UAP1L1: variants seen among roughly 807,000 people sequenced by gnomAD.
The protein encoded by UAP1L1 is UDP-N-acetylhexosamine pyrophosphorylase-like protein 1.
A neutral mutation model predicts 45.3 loss-of-function variants in UAP1L1; 45 were observed. That is an observed-to-expected ratio of 0.99 (90% CI 0.78 to 1.27). The LOEUF is 1.27. Ranked by LOEUF, UAP1L1 falls within the 50% of genes most tolerant of loss-of-function variation. The probability of loss-of-function intolerance (pLI) is 0.00; values close to 1 mark genes in which losing one functional copy is unlikely to be tolerated. For missense variants in UAP1L1, 667 were observed against 694.0 expected (o/e 0.96, Z 0.44); for synonymous variants, 323 against 303.9 (o/e 1.06, Z -0.65).
intron 7 of UAP1L1, 73 bp from the exon 8 acceptor site, chr9:137,081,925 C>T (rs551454883): frequency 3.4e-5 from 47 of 1,390,556 alleles, no homozygotes; most frequent in African/African-American, 2.1e-4. Context: ...AGTCTCCTAT[C>T]GGGACTGGGG....
intron 6 of UAP1L1, 107 bp downstream of exon 6, chr9:137,080,249 C>T: frequency 6.9e-7 from 1 of 1,451,806 alleles, no homozygotes; most frequent in South Asian, 1.3e-5. Flanking sequence ...GAGCCAAGGG[C>T]CCCGCGGGCA....
At chr9:137,081,273 C>G (rs1206446298) in intron 7 of UAP1L1, among the ~76,000 whole-genome samples, 1 of 151,498 alleles carries the variant, frequency 6.6e-6, no homozygotes, top group Non-Finnish European at 1.5e-5. Flanking sequence ...GATCTCGGCT[C>G]GCTGCAAGCT....
rs1364231294 is a variant in UAP1L1 at position 137,083,867 on chromosome 9, C to G, written c.*1138C>G. ...GAAACCCACAGTCCCCAGTGGAGGG[C>G]CACTACTCATCCCCATTGGTTTCCC... On this transcript the variant is annotated 3_prime_UTR_variant, in exon 9 of 9. Coordinates refer to ENST00000409858, the MANE Select transcript of UAP1L1 (RefSeq NM_207309.3). 1 of 152,330 alleles carries G rather than the reference C, an allele frequency of 6.6e-6. No individual in the cohort carries two copies. Among genetic ancestry groups the G allele is most frequent in the Non-Finnish European group, 1.5e-5 (1 of 68,098 alleles). The allele number at this position is 152,330 out of a possible 1,614,324, so 9.4% of individuals were successfully genotyped here. A position where few individuals can be genotyped will look rare whatever the true frequency, so the allele number is the denominator to read the frequency against.
Position 137,082,568 on chromosome 9 carries a change from G to A in UAP1L1, c.1432-69G>A, listed in dbSNP as rs1467744265. The A allele has an allele frequency of 2.3e-6, 3 of 1,299,036 alleles. No homozygotes were observed. The Admixed American group carries it at 6.0e-5, about 26-fold the overall frequency. The allele number at this position is 1,299,036 out of a possible 1,614,324, so 80.5% of individuals were successfully genotyped here. ...ATCGCACCTGGGGACTGTGGCTCTTGGTGTGGCCAGAGGGGCTGTGACCCG... is the reference window on the plus strand; with the variant it reads ...ATCGCACCTGGGGACTGTGGCTCTTAGTGTGGCCAGAGGGGCTGTGACCCG... On this transcript the variant is annotated intron_variant, in intron 8 of 8. Coordinates refer to ENST00000409858, the MANE Select transcript of UAP1L1 (RefSeq NM_207309.3). The surrounding 1 kb of genome is among the most constrained non-coding windows in gnomAD (Gnocchi z 5.7).
chr9:137,077,728 G>T lies in UAP1L1; in HGVS notation c.196G>T (p.Asp66Tyr). 2.5e-6 allele frequency: 3 copies of T among 1,178,838 alleles called. No individual in the cohort carries two copies. Among genetic ancestry groups the T allele is most frequent in the South Asian group, 8.4e-5 (2 of 23,864 alleles). 73.0% of individuals were successfully genotyped at this position (1,178,838 alleles called of 1,614,324 possible). ...CGCGCGCCCCCACGGCCCGCCGCCC[G>T]ACTTGGCCGCGCGCCTGCGGCCCCT... ...ACARPHGPPP[D>Y]LAARLRPLPP... The change falls in exon 1 of 9, where the codon GAC becomes TAC. Residue 66 changes from aspartate (D) to tyrosine (Y), a missense_variant. By Grantham distance (160) the Asp-to-Tyr change is radical. Transcript: ENST00000409858. This position sits in a 1 kb window ranked among gnomAD's most constrained non-coding sequence, Gnocchi z 4.7.
Position 137,083,013 on chromosome 9 carries a change from T to G in UAP1L1, c.*284T>G. 1 of 414,760 alleles carries G rather than the reference T, an allele frequency of 2.4e-6. No individual in the cohort carries two copies. The highest frequency in any genetic ancestry group is 4.5e-6 in the Non-Finnish European group (1 of 220,502). The allele number at this position is 414,760 out of a possible 1,614,324, so 25.7% of individuals were successfully genotyped here. ...TGGCTCCATTCCTGGCTGTGGGGTC[T>G]AGTCAAGAGGCAGAGGGACTTGGGA... On this transcript the variant is annotated 3_prime_UTR_variant, in exon 9 of 9. Transcript: ENST00000409858.
At chr9:137,081,868 T>C in intron 7 of UAP1L1, 130 bp from the exon 8 acceptor site, 1 of 866,388 alleles carries the variant, frequency 1.2e-6, no homozygotes, top group Non-Finnish European at 2.0e-6. Flanking sequence ...CAGAGGAAGA[T>C]GAGCTTGCTG....
chr9:137,080,811 G>C lies in UAP1L1; in HGVS notation c.1301G>C (p.Trp434Ser). ...RQALLTQHYR[W>S]ALRAGARFLD... ...GCCCTGCTCACCCAGCACTACCGGT[G>C]GGCTCTGCGGGCCGGGGCCCGCTTC... Residue 434 changes from tryptophan to serine, a missense_variant, in exon 7 of 9, where the codon TGG (tryptophan) becomes TCG (serine). Trp to Ser is a radical substitution (Grantham distance 177). Coordinates refer to ENST00000409858, the MANE Select transcript of UAP1L1 (RefSeq NM_207309.3). 6.2e-7 allele frequency: 1 copy of C among 1,611,182 alleles called. No individual in the cohort carries two copies. Among genetic ancestry groups the C allele is most frequent in the Non-Finnish European group, 8.5e-7 (1 of 1,179,676 alleles).
chr9:137,080,673 G>T lies in UAP1L1; in HGVS notation c.1179-16G>T. ...CTCTGTGCTGGGACGTGGGTGACTAGCCCTTTCCCCACCAGGAACTTTGCT... is the reference window on the plus strand; with the variant it reads ...CTCTGTGCTGGGACGTGGGTGACTATCCCTTTCCCCACCAGGAACTTTGCT... On this transcript the variant is annotated splice_polypyrimidine_tract_variant and intron_variant, in intron 6 of 8. Coordinates refer to ENST00000409858, the MANE Select transcript of UAP1L1 (RefSeq NM_207309.3). 6.2e-7 allele frequency: 1 copy of T among 1,601,530 alleles called. No homozygotes were observed. The highest frequency in any genetic ancestry group is 8.5e-7 in the Non-Finnish European group (1 of 1,173,352).
At position 137,078,560 on chromosome 9, in the gene UAP1L1, A is replaced by G. The variant is rs778282785; in HGVS notation, c.553A>G (p.Asn185Asp). 3.1e-6 allele frequency: 5 copies of G among 1,613,206 alleles called. No individual in the cohort carries two copies. Among genetic ancestry groups the G allele is most frequent in the Non-Finnish European group, 4.2e-6 (5 of 1,180,024 alleles). ...GPTAEFFREH[N>D]FFHLDPANVV... ...CACGGCCGAGTTCTTCAGGGAGCAC[A>G]ACTTCTTCCACCTGGACCCCGCCAA... The change falls in exon 3 of 9, where the codon AAC becomes GAC. Residue 185 changes from asparagine to aspartate, a missense_variant. Asn to Asp is a conservative substitution (Grantham distance 23, BLOSUM62 1). Transcript: ENST00000409858.
At position 137,082,035 on chromosome 9, in the gene UAP1L1, A is replaced by G. The variant is rs1832795324; in HGVS notation, c.1402A>G (p.Ile468Val). 6.2e-7 allele frequency: 1 copy of G among 1,613,846 alleles called. No individual in the cohort carries two copies. Among genetic ancestry groups the G allele is most frequent in the Non-Finnish European group, 8.5e-7 (1 of 1,180,028 alleles). ...PNGDPPAICE[I>V]SPLVSYSGEG... ...TGGAGACCCTCCGGCCATCTGTGAG[A>G]TATCGCCCTTGGTGTCTTACTCTGG... The change falls in exon 8 of 9, where the codon ATA becomes GTA. Residue 468 changes from isoleucine (I) to valine (V), a missense_variant. Ile to Val is a conservative substitution (Grantham distance 29). Transcript: ENST00000409858. The surrounding 1 kb of genome is among the most constrained non-coding windows in gnomAD (Gnocchi z 5.7).
chr9:137,078,487 G>A lies in UAP1L1; in HGVS notation c.495-15G>A. Reference sequence around the variant, plus strand: ...CAGGCGTACTCGCGGCCGGCTCACCGCGCCTCCCTTGCAGGTACGTCATGA... The same window carrying A: ...CAGGCGTACTCGCGGCCGGCTCACCACGCCTCCCTTGCAGGTACGTCATGA... On this transcript the variant is annotated splice_polypyrimidine_tract_variant and intron_variant, in intron 2 of 8. Coordinates refer to ENST00000409858, the MANE Select transcript of UAP1L1 (RefSeq NM_207309.3). 15 of 1,612,846 alleles carry A rather than the reference G, an allele frequency of 9.3e-6. No homozygotes were observed. Among genetic ancestry groups the A allele is most frequent in the Non-Finnish European group, 1.3e-5 (15 of 1,179,954 alleles).
In UAP1L1 at chr9:137,082,248, C is replaced by A; in HGVS notation, c.1431+184C>A. The stretch of plus-strand genomic sequence containing the variant: ...TGGGGTGGGGTGAGGCATCCAGAGG[C>A]CTTTGCAGGTCCTGGGAGGGCATGG... On this transcript the variant is annotated intron_variant, in intron 8 of 8. Coordinates refer to ENST00000409858, the MANE Select transcript of UAP1L1 (RefSeq NM_207309.3). This position sits in a 1 kb window ranked among gnomAD's most constrained non-coding sequence, Gnocchi z 5.7. 2 of 650,836 alleles carry A rather than the reference C, an allele frequency of 3.1e-6. No individual in the cohort carries two copies. The highest frequency in any genetic ancestry group is 2.7e-5 in the East Asian group (1 of 36,718). 40.3% of individuals were successfully genotyped at this position (650,836 alleles called of 1,614,324 possible).
chr9:137,079,910 C>A, intron 5 of UAP1L1, 92 bp from the exon 6 acceptor site: 3 of 1,502,834 alleles, frequency 2.0e-6, no homozygotes, highest in Non-Finnish European at 1.8e-6. Context: ...CCTGTCCCAC[C>A]CAGCTGGGTG....
At chr9:137,079,477 G>T (rs771630850) in intron 5 of UAP1L1, 28 bp downstream of exon 5, 2 of 1,558,356 alleles carry the variant, frequency 1.3e-6, no homozygotes, top group Non-Finnish European at 1.7e-6. Flanking sequence ...GCTGCGGATT[G>T]CCGGCCAGAG....
Position 137,079,276 on chromosome 9 carries a change from C to T in UAP1L1, c.864C>T (p.Pro288=). Residue 288 remains proline (P), a synonymous_variant, in exon 5 of 9, where the codon CCC becomes CCT. Transcript: ENST00000409858. Reference sequence around the variant, plus strand: ...TGCAGGTGGTGGAAAAGGCATACCCCGAGGAGCCCGTGGGCGTGGTGTGCC... The same window carrying T: ...TGCAGGTGGTGGAAAAGGCATACCCTGAGGAGCCCGTGGGCGTGGTGTGCC... ...CGAKVVEKAY[P]EEPVGVVCQV... 2 of 1,611,284 alleles carry T rather than the reference C, an allele frequency of 1.2e-6. No individual in the cohort carries two copies. The highest frequency in any genetic ancestry group is 1.7e-6 in the Non-Finnish European group (2 of 1,178,696).
At position 137,082,025 on chromosome 9, in the gene UAP1L1, C is replaced by T; in HGVS notation, c.1392C>T (p.Ala464=). 6.2e-7 allele frequency: 1 copy of T among 1,614,106 alleles called. No individual in the cohort carries two copies. Among genetic ancestry groups the T allele is most frequent in the Non-Finnish European group, 8.5e-7 (1 of 1,180,022 alleles). ...TGCCCCCAAATGGAGACCCTCCGGCCATCTGTGAGATATCGCCCTTGGTGT... is the reference window on the plus strand; with the variant it reads ...TGCCCCCAAATGGAGACCCTCCGGCTATCTGTGAGATATCGCCCTTGGTGT... ...PSLPPNGDPP[A]ICEISPLVSY... is the part of the protein sequence containing the mutation. Residue 464 remains alanine, a synonymous_variant, in exon 8 of 9, where the codon GCC becomes GCT. Transcript: ENST00000409858. The surrounding 1 kb of genome is among the most constrained non-coding windows in gnomAD (Gnocchi z 5.7).
Position 137,080,133 on chromosome 9 carries a change from G to T in UAP1L1, c.1169G>T (p.Arg390Leu), listed in dbSNP as rs752162848. The T allele has an allele frequency of 2.5e-6, 4 of 1,614,124 alleles. No homozygotes were observed. Among genetic ancestry groups the T allele is most frequent in the Non-Finnish European group, 3.4e-6 (4 of 1,179,964 alleles). Residue 390 changes from arginine to leucine, a missense_variant, in exon 6 of 9, where the codon CGG (arginine) becomes CTG (leucine). By Grantham distance (102) the Arg-to-Leu change is moderately radical. Transcript: ENST00000409858. ...KMEKFVFDVF[R>L]FAKNFAALEV... ...GAGAAGTTTGTGTTTGATGTGTTCC[G>T]GTTTGCTAAGTTAGTAGTAGAACTC... is the stretch of plus-strand genomic sequence containing the variant.
chr9:137,080,566 C>A (rs923198504), intron 6 of UAP1L1, 123 bp from the exon 7 acceptor site: 28 of 990,222 alleles, frequency 2.8e-5, no homozygotes, highest in Admixed American at 1.4e-4. Flanking sequence ...GGGGGCTCCT[C>A]CCTAGACTTG....
Sources: allele counts gnomAD v4.1 joint callset (sites outside exome capture counted in the v4.1 genomes callset), GRCh38; gene constraint gnomAD v4.1.1; non-coding constraint Gnocchi (gnomAD v3.1); transcripts MANE v1.5; gene names NCBI Gene and HGNC (gene_info 2026-07-23, HGNC 2026-07-21).